The following NEGR1 variants were observed in gnomAD, a reference collection of about 807,000 sequenced individuals.
The protein encoded by NEGR1 is IgLON family member 4.
NEGR1 carries 10 observed loss-of-function variants against 40.9 expected under a neutral mutation model. The ratio of observed to expected loss-of-function variants is 0.24; its 90% CI spans 0.15 to 0.42. NEGR1 has a LOEUF of 0.42. Ranked by LOEUF, NEGR1 falls within the 10% of genes least tolerant of loss-of-function variation. The probability of loss-of-function intolerance (pLI) is 1.00; values close to 1 mark genes in which losing one functional copy is unlikely to be tolerated. For synonymous variants in NEGR1, 185 were observed against 166.8 expected (o/e 1.11, Z -0.84); for missense variants, 352 against 438.9 (o/e 0.80, Z 1.77).
At chr1:72,085,330 C>A (rs1648171474) in intron 1 of NEGR1, among the ~76,000 whole-genome samples, 1 of 152,086 alleles carries the variant, frequency 6.6e-6, no homozygotes, top group Non-Finnish European at 1.5e-5. Context: ...GTAGTACTAG[C>A]CTTGAAAATG....
intron 1 of NEGR1, among the ~76,000 whole-genome samples, chr1:72,122,379 C>T (rs900271701): frequency 6.6e-6 from 1 of 151,892 alleles, no homozygotes; most frequent in African/African-American, 2.4e-5. Flanking sequence ...TTTGCAAGAA[C>T]ATGTACAAAT....
intron 6 of NEGR1, among the ~76,000 whole-genome samples, chr1:71,585,305 A>G (rs1478999141): frequency 1.3e-5 from 2 of 152,158 alleles, no homozygotes; most frequent in African/African-American, 2.4e-5. Flanking sequence ...GAAAGGTAAC[A>G]TGGAGACTAG....
intron 1 of NEGR1, among the ~76,000 whole-genome samples, chr1:72,194,115 A>C (rs1485906845): frequency 6.6e-6 from 1 of 151,926 alleles, no homozygotes; most frequent in African/African-American, 2.4e-5. Context: ...ATGAAAATTA[A>C]ACAATTGAAT....
chr1:71,735,068 A>T (rs560954716), intron 3 of NEGR1, among the ~76,000 whole-genome samples: 1 of 152,004 alleles, frequency 6.6e-6, no homozygotes, highest in East Asian at 1.9e-4. Flanking sequence ...TCTTCACTAG[A>T]TGTGGCCTAT....
intron 1 of NEGR1, among the ~76,000 whole-genome samples, 194 bp from the exon 2 acceptor site, chr1:71,935,505 A>G (rs535817578): frequency 6.1e-4 from 91 of 148,322 alleles, no homozygotes; most frequent in African/African-American, 2.3e-3. Context: ...ATACTTGTGT[A>G]CAGTTTTTTT....
At chr1:71,989,877 G>GT (rs1160582412) in intron 1 of NEGR1, among the ~76,000 whole-genome samples, 2 of 151,986 alleles carry the variant, frequency 1.3e-5, no homozygotes, top group African/African-American at 4.8e-5. Flanking sequence ...TGCAGTTAAT[G>GT]TTTTTTTAAT....
intron 2 of NEGR1, among the ~76,000 whole-genome samples, chr1:71,781,004 T>A (rs1425053752): frequency 6.6e-6 from 1 of 152,204 alleles, no homozygotes; most frequent in African/African-American, 2.4e-5. Flanking sequence ...TCTCCACTGT[T>A]TGTACGATAA....
intron 2 of NEGR1, among the ~76,000 whole-genome samples, chr1:71,890,198 A>C (rs1660838184): frequency 9.3e-6 from 1 of 107,524 alleles, no homozygotes; most frequent in Non-Finnish European, 1.8e-5. Flanking sequence ...TAATGACAGG[A>C]TCAAATTCAC....
intron 6 of NEGR1, among the ~76,000 whole-genome samples, chr1:71,465,471 TA>T (rs1646739529): frequency 1.3e-5 from 2 of 152,118 alleles, no homozygotes; most frequent in Admixed American, 1.3e-4. Context: ...TAGTCTTCTG[TA>T]ATTCATTTTA....
intron 3 of NEGR1, among the ~76,000 whole-genome samples, chr1:71,700,719 A>G (rs1042594286): frequency 1.3e-5 from 2 of 151,978 alleles, no homozygotes; most frequent in Non-Finnish European, 2.9e-5. Context: ...GCCTATGGTA[A>G]CCAGAATAAT....
At chr1:71,817,312 G>A (rs1395745256) in intron 2 of NEGR1, among the ~76,000 whole-genome samples, 4 of 152,094 alleles carry the variant, frequency 2.6e-5, no homozygotes, top group Non-Finnish European at 5.9e-5. Flanking sequence ...CAAGATGGTA[G>A]TACAAAGTGC....
intron 1 of NEGR1, among the ~76,000 whole-genome samples, chr1:72,067,867 A>C (rs1189998169): frequency 6.6e-6 from 1 of 152,190 alleles, no homozygotes; most frequent in Non-Finnish European, 1.5e-5. Context: ...TATATTCATT[A>C]TAAAATATTT....
chr1:72,072,978 G>C (rs1358357603), intron 1 of NEGR1, among the ~76,000 whole-genome samples: 1 of 152,128 alleles, frequency 6.6e-6, no homozygotes. Flanking sequence ...TGTCCAATCT[G>C]TTCCCTTAGA....
chr1:71,805,871 T>C (rs1208081012), intron 2 of NEGR1, among the ~76,000 whole-genome samples: 2 of 152,202 alleles, frequency 1.3e-5, no homozygotes, highest in East Asian at 3.9e-4. Flanking sequence ...ATGGCAAATT[T>C]GCTTTTGCAA....
chr1:71,991,557 C>T (rs1646451253), intron 1 of NEGR1, among the ~76,000 whole-genome samples: 1 of 152,160 alleles, frequency 6.6e-6, no homozygotes, highest in South Asian at 2.1e-4. Context: ...AACTTAGCTT[C>T]AATTCCTCTG....
At chr1:71,688,339 T>TATATATAA (rs1266139727) in intron 4 of NEGR1, among the ~76,000 whole-genome samples, 1 of 64,926 alleles carries the variant, frequency 1.5e-5, no homozygotes, top group Non-Finnish European at 3.1e-5. Context: ...GATAGATAGA[T>TATATATAA]AGATAGATAG....
chr1:71,802,501 C>T (rs1657597992), intron 2 of NEGR1, among the ~76,000 whole-genome samples: 1 of 152,264 alleles, frequency 6.6e-6, no homozygotes, highest in East Asian at 1.9e-4. Context: ...AGCATGCATG[C>T]CCAGGAAGGC....
intron 1 of NEGR1, among the ~76,000 whole-genome samples, chr1:72,048,484 C>T (rs192610887): frequency 1.7e-4 from 25 of 150,006 alleles, no homozygotes; most frequent in African/African-American, 6.1e-4. Context: ...TGTGTAAGCG[C>T]CTTCAAGTTT....
At chr1:71,841,161 T>C (rs957083868) in intron 2 of NEGR1, among the ~76,000 whole-genome samples, 12 of 152,048 alleles carry the variant, frequency 7.9e-5, no homozygotes, top group African/African-American at 1.9e-4. Flanking sequence ...AGTCACCCAA[T>C]AGAAGGATCA....
Sources: gnomAD v4.1 joint callset for allele counts (sites outside exome capture counted in the v4.1 genomes callset) on GRCh38, gnomAD v4.1.1 for gene constraint, MANE v1.5 for transcripts, NCBI Gene and HGNC (gene_info 2026-07-23, HGNC 2026-07-21) for gene names.